MTUS1: variants seen among roughly 807,000 people sequenced by gnomAD.
MTUS1 encodes microtubule associated scaffold protein 1, also known as microtubule-associated tumor suppressor 1.
Under a neutral mutation model 120.8 loss-of-function variants are expected in MTUS1, and 109 were observed. The observed-to-expected ratio is 0.90, with a 90% CI of 0.77 to 1.06. The LOEUF is 1.06. Ranked by LOEUF, MTUS1 falls within the 50% of genes least tolerant of loss-of-function variation. The pLI, the probability that MTUS1 is intolerant of heterozygous loss-of-function variation, is 0.00. For missense variants in MTUS1, 2,210 were observed against 1,486.3 expected (o/e 1.49, Z -8.01); for synonymous variants, 737 against 550.5 (o/e 1.34, Z -4.74).
chr8:17,656,547 C>CG (rs374883123), intron 8 of MTUS1, among the ~76,000 whole-genome samples: 3 of 91,892 alleles, frequency 3.3e-5, no homozygotes, highest in African/African-American at 1.2e-4. Context: ...CAAACAAAAC[C>CG]CCCCCCCACC....
chr8:17,773,494 T>G (rs1364236299), intron 1 of MTUS1, among the ~76,000 whole-genome samples: 4 of 152,210 alleles, frequency 2.6e-5, no homozygotes, highest in Non-Finnish European at 5.9e-5. Context: ...CTGGGTAACT[T>G]ATAAGCCATC....
intron 7 of MTUS1, among the ~76,000 whole-genome samples, chr8:17,676,856 T>C (rs913899293): frequency 2.6e-5 from 4 of 152,206 alleles, no homozygotes; most frequent in Non-Finnish European, 5.9e-5. Context: ...TTTACAAATT[T>C]AAATGACATT....
At chr8:17,742,169 C>CA in intron 3 of MTUS1, among the ~76,000 whole-genome samples, 1 of 151,992 alleles carries the variant, frequency 6.6e-6, no homozygotes. Context: ...TAGCTCACTG[C>CA]AGCTTTGAAC....
At chr8:17,771,425 A>C (rs2050015311) in intron 1 of MTUS1, among the ~76,000 whole-genome samples, 1 of 152,250 alleles carries the variant, frequency 6.6e-6, no homozygotes, top group Non-Finnish European at 1.5e-5. Flanking sequence ...TCATGCAATG[A>C]AGTTTTCAAA....
rs1207988695 is a variant in MTUS1, at chr8:17,713,236, AT to A, written c.2600del (p.Asn867IlefsTer39). On this transcript the variant is annotated frameshift_variant, in exon 6 of 15. Coordinates refer to ENST00000693296, the MANE Select transcript of MTUS1 (RefSeq NM_001363059.2). LOFTEE classifies it high-confidence loss of function. ...KTPPKGPSRK[N>X]LFTALNAVEK... ...CACCTGCATTAAGAGCTGTAAATAA[AT>A]TTTTTCTCGAAGGACCTAAGATATA... 1.3e-6 allele frequency: 2 copies of A among 1,596,216 alleles called. No homozygotes were observed. Among genetic ancestry groups the A allele is most frequent in the Non-Finnish European group, 1.7e-6 (2 of 1,166,150 alleles).
In MTUS1 at chr8:17,645,146, G is replaced by C. The variant is rs1435255104; in HGVS notation, c.*780C>G. The C allele has an allele frequency of 6.6e-6, 1 of 152,176 alleles. No homozygotes were observed. The highest frequency in any genetic ancestry group is 1.5e-5 in the Non-Finnish European group (1 of 67,796). 9.4% of individuals were successfully genotyped at this position (152,176 alleles called of 1,614,324 possible). On this transcript the variant is annotated 3_prime_UTR_variant, in exon 15 of 15. Transcript: ENST00000693296. ...AAAATGAATTACAGGATAGTGTTAG[G>C]CTCACATGGGTAAGTAAAAAATCTA...
intron 6 of MTUS1, among the ~76,000 whole-genome samples, chr8:17,693,967 T>C (rs556133112): frequency 6.6e-6 from 1 of 152,242 alleles, no homozygotes; most frequent in Admixed American, 6.5e-5. Context: ...GACCAAATAC[T>C]AAGCTCTTCA....
At chr8:17,665,014 T>C (rs185743016) in intron 8 of MTUS1, among the ~76,000 whole-genome samples, 97 of 152,348 alleles carry the variant, frequency 6.4e-4, no homozygotes, top group African/African-American at 2.1e-3. Flanking sequence ...AAATACCACC[T>C]GTTCTGCCAA....
Position 17,645,521 on chromosome 8 carries a change from C to T in MTUS1, c.*405G>A. On this transcript the variant is annotated 3_prime_UTR_variant, in exon 15 of 15. Coordinates refer to ENST00000693296, the MANE Select transcript of MTUS1 (RefSeq NM_001363059.2). ...CATCCATTTCATTCACACCCCCCAC[C>T]CCCACAGTCAGACTGAAAACTCACA... is the stretch of plus-strand genomic sequence containing the variant. 5.8e-6 allele frequency: 1 copy of T among 172,316 alleles called. No individual in the cohort carries two copies. The highest frequency in any genetic ancestry group is 1.6e-4 in the South Asian group (1 of 6,448). The allele number at this position is 172,316 out of a possible 1,614,324, so 10.7% of individuals were successfully genotyped here. A position where few individuals can be genotyped will look rare whatever the true frequency, so the allele number is the denominator to read the frequency against.
chr8:17,688,142 C>G (rs139919672), intron 6 of MTUS1, among the ~76,000 whole-genome samples: 13 of 152,274 alleles, frequency 8.5e-5, no homozygotes, highest in African/African-American at 2.9e-4. Flanking sequence ...TTCCGTGAAA[C>G]ACAAACTAAA....
chr8:17,783,303 G>C (rs150072294), intron 1 of MTUS1, among the ~76,000 whole-genome samples: 176 of 152,228 alleles, frequency 1.2e-3, no homozygotes, highest in Middle Eastern at 6.8e-3. Context: ...TCTGGAGTTG[G>C]AATTTTCCAA....
chr8:17,682,375 G>A (rs113460922), intron 7 of MTUS1, among the ~76,000 whole-genome samples: 13,433 of 151,962 alleles, frequency 0.088, 805 homozygotes, highest in Middle Eastern at 0.16. Flanking sequence ...AAAACTAGTC[G>A]GGCATGGTGG....
At position 17,645,817 on chromosome 8, in the gene MTUS1, T is replaced by G. The variant is rs1374140052; in HGVS notation, c.*109A>C. 1 of 1,409,222 alleles carries G rather than the reference T, an allele frequency of 7.1e-7. No individual in the cohort carries two copies. The highest frequency in any genetic ancestry group is 1.4e-5 in the African/African-American group (1 of 69,124). The allele number at this position is 1,409,222 out of a possible 1,614,324, so 87.3% of individuals were successfully genotyped here. On this transcript the variant is annotated 3_prime_UTR_variant, in exon 15 of 15. Coordinates refer to ENST00000693296, the MANE Select transcript of MTUS1 (RefSeq NM_001363059.2). ...TGGTGACGCTCCAGTTACCCTACGGTGATCACACGTGTGCTGATATACCTC... is the reference window on the plus strand; with the variant it reads ...TGGTGACGCTCCAGTTACCCTACGGGGATCACACGTGTGCTGATATACCTC...
intron 12 of MTUS1, 35 bp from the exon 13 acceptor site, chr8:17,649,997 C>T (rs758273793): frequency 1.3e-5 from 14 of 1,053,740 alleles, no homozygotes; most frequent in South Asian, 5.1e-5. Context: ...GCTCTTATTC[C>T]ACATAGTTCA....
At position 17,754,470 on chromosome 8, in the gene MTUS1, T is replaced by C. The variant is rs1295516890; in HGVS notation, c.1338A>G (p.Glu446=). 20 of 1,614,106 alleles carry C rather than the reference T, an allele frequency of 1.2e-5. No individual in the cohort carries two copies. Among genetic ancestry groups the C allele is most frequent in the Non-Finnish European group, 1.7e-5 (20 of 1,180,050 alleles). The part of the protein sequence containing the change: ...TKVTFSVSPI[E]ATEKCKKVEK... Reference sequence around the variant, plus strand: ...CCACTTTCTTACATTTCTCCGTCGCTTCAATCGGTGAAACAGAAAAGGTTA... The same window carrying C: ...CCACTTTCTTACATTTCTCCGTCGCCTCAATCGGTGAAACAGAAAAGGTTA... Residue 446 remains glutamate (E), a synonymous_variant, in exon 2 of 15, where the codon GAA becomes GAG. Coordinates refer to ENST00000693296, the MANE Select transcript of MTUS1 (RefSeq NM_001363059.2).
chr8:17,654,687 C>G (rs759147242), intron 9 of MTUS1, 21 bp from the exon 10 acceptor site: 48 of 1,574,910 alleles, frequency 3.0e-5, no homozygotes, highest in African/African-American at 6.7e-5. Context: ...CAAACAAAAC[C>G]GTGGTTTAAC....
intron 6 of MTUS1, among the ~76,000 whole-genome samples, chr8:17,694,782 A>G (rs1207065526): frequency 6.6e-6 from 1 of 152,170 alleles, no homozygotes; most frequent in East Asian, 1.9e-4. Context: ...AGGAGGTAAA[A>G]AAATAAGGAG....
intron 3 of MTUS1, among the ~76,000 whole-genome samples, chr8:17,741,901 A>G (rs2047345607): frequency 6.6e-6 from 1 of 152,166 alleles, no homozygotes; most frequent in Non-Finnish European, 1.5e-5. Flanking sequence ...AAGCCCAGGG[A>G]GAGTAAAAGA....
At chr8:17,728,564 C>T (rs1420756806) in intron 3 of MTUS1, among the ~76,000 whole-genome samples, 3 of 152,198 alleles carry the variant, frequency 2.0e-5, no homozygotes, top group South Asian at 2.1e-4. Flanking sequence ...CAGAATTAGA[C>T]GTTCTCAGTA....
Sources: gnomAD v4.1 joint callset for allele counts (sites outside exome capture counted in the v4.1 genomes callset) on GRCh38, gnomAD v4.1.1 for gene constraint, MANE v1.5 for transcripts, NCBI Gene and HGNC (gene_info 2026-07-23, HGNC 2026-07-21) for gene names.